The following TMEM59 variants were observed in gnomAD, a reference collection of about 807,000 sequenced individuals.
The protein encoded by TMEM59 is dendritic cell factor 1.
In TMEM59, 44 loss-of-function variants were observed where a neutral mutation model predicts 42.2. That is an observed-to-expected ratio of 1.04 (90% CI 0.82 to 1.34). TMEM59 has a LOEUF of 1.34. Ranked by LOEUF, TMEM59 falls within the 40% of genes most tolerant of loss-of-function variation. The probability of loss-of-function intolerance (pLI) is 0.00; values close to 1 mark genes in which losing one functional copy is unlikely to be tolerated. For missense variants in TMEM59, 359 were observed against 382.8 expected (o/e 0.94, Z 0.52); for synonymous variants, 148 against 145.8 (o/e 1.02, Z -0.11).
chr1:54,027,852 T>G lies in TMEM59; in HGVS notation c.*4298A>C, dbSNP rs974562688. Reference sequence around the variant, plus strand: ...AAGGTCTAAAAACTGTGCTCCAGAATTTAATTACCACAAGGAGTTAGAAAA... The same window carrying G: ...AAGGTCTAAAAACTGTGCTCCAGAAGTTAATTACCACAAGGAGTTAGAAAA... On this transcript the variant is annotated 3_prime_UTR_variant, in exon 8 of 8. Coordinates refer to ENST00000234831, the MANE Select transcript of TMEM59 (RefSeq NM_004872.5). The G allele has an allele frequency of 1.3e-5, 2 of 151,956 alleles. No homozygotes were observed. Among genetic ancestry groups the G allele is most frequent in the African/African-American group, 4.8e-5 (2 of 41,324 alleles). The allele number at this position is 151,956 out of a possible 1,614,324, so 9.4% of individuals were successfully genotyped here.
At chr1:54,046,722 T>C (rs761684265) in intron 2 of TMEM59, among the ~76,000 whole-genome samples, 2 of 152,252 alleles carry the variant, frequency 1.3e-5, no homozygotes, top group Non-Finnish European at 2.9e-5. Flanking sequence ...ATTATAGTTA[T>C]TTAAAAAGTT....
At position 54,027,040 on chromosome 1, in the gene TMEM59, G is replaced by A. The variant is rs376782308; in HGVS notation, c.*5110C>T. On this transcript the variant is annotated 3_prime_UTR_variant, in exon 8 of 8. Coordinates refer to ENST00000234831, the MANE Select transcript of TMEM59 (RefSeq NM_004872.5). ...ACCAGGGGTCTGGTGAACTTGGATG[G>A]GAAAAATTTTAAATCTTTCTTTTCA... 11 of 152,222 alleles carry A rather than the reference G, an allele frequency of 7.2e-5. No homozygotes were observed. In the East Asian group the frequency reaches 1.9e-3, roughly 27 times the overall value. 9.4% of individuals were successfully genotyped at this position (152,222 alleles called of 1,614,324 possible).
At chr1:54,040,522 TCTAACAAG>T (rs1242912645) in intron 6 of TMEM59, among the ~76,000 whole-genome samples, 1 of 152,186 alleles carries the variant, frequency 6.6e-6, no homozygotes, top group African/African-American at 2.4e-5. Context: ...ATCAAGAGAT[TCTAACAAG>T]AAAAATGCTC....
At chr1:54,038,619 T>C (rs1657034215) in intron 6 of TMEM59, among the ~76,000 whole-genome samples, 1 of 152,236 alleles carries the variant, frequency 6.6e-6, no homozygotes, top group South Asian at 2.1e-4. Context: ...TGATTCTGTA[T>C]GTAATCATGG....
intron 7 of TMEM59, chr1:54,034,280 T>G (rs1656871772): frequency 6.6e-6 from 1 of 152,340 alleles, no homozygotes; most frequent in Non-Finnish European, 1.5e-5. Flanking sequence ...TGCTGCTGCT[T>G]GGGAGAAAAT....
Position 54,029,361 on chromosome 1 carries a change from TG to T in TMEM59, c.*2788del, listed in dbSNP as rs1330774674. On this transcript the variant is annotated 3_prime_UTR_variant, in exon 8 of 8. Transcript: ENST00000234831. ...GCTTTTGTAATTGCCTGAATTAGCA[TG>T]TCTCTTAGATGAGGGACCTGAGCCA... 2 of 152,246 alleles carry T rather than the reference TG, an allele frequency of 1.3e-5. No individual in the cohort carries two copies. The highest frequency in any genetic ancestry group is 4.8e-5 in the African/African-American group (2 of 41,470). 9.4% of individuals were successfully genotyped at this position (152,246 alleles called of 1,614,324 possible).
intron 1 of TMEM59, among the ~76,000 whole-genome samples, chr1:54,050,804 C>T (rs1657509193): frequency 6.6e-6 from 1 of 151,946 alleles, no homozygotes; most frequent in Non-Finnish European, 1.5e-5. Context: ...TGAGGTGATC[C>T]ACCCGCCTCA....
chr1:54,036,524 G>T, intron 7 of TMEM59, 86 bp downstream of exon 7: 1 of 947,880 alleles, frequency 1.1e-6, no homozygotes, highest in Non-Finnish European at 1.5e-6. Flanking sequence ...TTAGTAGAAA[G>T]GCCTTGTTTT....
Position 54,036,674 on chromosome 1 carries a change from A to G in TMEM59, c.752T>C (p.Met251Thr). ...ILTTTLVLSV[M>T]VLLWICCATV... The stretch of plus-strand genomic sequence containing the variant: ...TGCACAACAAATCCAAAGCAATACC[A>G]TCACCGAGAGGACAAGAGTTGTAGT... Residue 251 changes from methionine to threonine, a missense_variant, in exon 7 of 8, where the codon ATG becomes ACG. Physicochemically the swap from Met to Thr is moderately conservative, Grantham distance 81 (BLOSUM62 -1). Transcript: ENST00000234831. 1 of 1,612,158 alleles carries G rather than the reference A, an allele frequency of 6.2e-7. No individual in the cohort carries two copies. The highest frequency in any genetic ancestry group is 1.1e-5 in the South Asian group (1 of 90,710).
rs1223576404 is a variant in TMEM59 at position 54,030,831 on chromosome 1, A to AG, written c.*1318dup. ...AGGCTAAAGACTAGGCCATAGGAGG[A>AG]GTGACTAACTTATTCTTTAGTCAAA... On this transcript the variant is annotated 3_prime_UTR_variant, in exon 8 of 8. Transcript: ENST00000234831. The AG allele has an allele frequency of 6.6e-6, 1 of 152,240 alleles. No homozygotes were observed. The highest frequency in any genetic ancestry group is 2.4e-5 in the African/African-American group (1 of 41,470). The allele number at this position is 152,240 out of a possible 1,614,324, so 9.4% of individuals were successfully genotyped here.
chr1:54,050,715 C>A (rs913359941), intron 1 of TMEM59, among the ~76,000 whole-genome samples: 4 of 151,734 alleles, frequency 2.6e-5, no homozygotes, highest in African/African-American at 4.8e-5. Context: ...CCCGCCACCA[C>A]GACTGGCTAA....
intron 6 of TMEM59, among the ~76,000 whole-genome samples, chr1:54,039,779 C>A (rs1038621735): frequency 6.6e-6 from 1 of 151,348 alleles, no homozygotes; most frequent in Admixed American, 6.6e-5. Context: ...AGGTGATAGT[C>A]AATAAGTGGT....
chr1:54,036,797 A>T, intron 6 of TMEM59, 79 bp from the exon 7 acceptor site: 3 of 884,884 alleles, frequency 3.4e-6, no homozygotes, highest in Non-Finnish European at 5.1e-6. Context: ...AACCTTATGT[A>T]CTTAGCTCAA....
intron 1 of TMEM59, among the ~76,000 whole-genome samples, chr1:54,051,181 T>C (rs2100338582): frequency 6.6e-6 from 1 of 152,310 alleles, no homozygotes; most frequent in African/African-American, 2.4e-5. Flanking sequence ...AGTTTATTAA[T>C]AGGAGGCAGC....
intron 4 of TMEM59, 91 bp downstream of exon 4, chr1:54,043,278 GTGAC>G: frequency 1.8e-6 from 2 of 1,085,272 alleles, no homozygotes; most frequent in South Asian, 7.0e-5. Flanking sequence ...ATATTTGTAA[GTGAC>G]TGAGTATGGT....
intron 1 of TMEM59, among the ~76,000 whole-genome samples, chr1:54,050,630 C>T (rs1657501875): frequency 6.6e-6 from 1 of 151,114 alleles, no homozygotes; most frequent in African/African-American, 2.4e-5. Flanking sequence ...GTGGCGCGGG[C>T]TCACTGCAAC....
chr1:54,048,570 A>C, intron 1 of TMEM59: 1 of 353,678 alleles, frequency 2.8e-6, no homozygotes. Context: ...AATAAGACTA[A>C]TGTCTTCAGC....
chr1:54,039,849 G>C (rs1226370280), intron 6 of TMEM59, among the ~76,000 whole-genome samples: 4 of 151,712 alleles, frequency 2.6e-5, no homozygotes, highest in East Asian at 1.9e-4. Context: ...AGTAAAATGT[G>C]GGGGAGGGAC....
rs1489167252 is a variant in TMEM59, at chr1:54,053,178, G to C, written c.11C>G (p.Pro4Arg). The stretch of plus-strand genomic sequence containing the variant: ...GGTCCTCACCCAGAGGCTCCCCTTC[G>C]GCGCCGCCATCTTGTTCCCCTCTGT... The part of the protein sequence containing the change: MAA[P>R]KGSLWVRTQL... The change falls in exon 1 of 8, where the codon CCG (proline) becomes CGG (arginine). Residue 4 changes from proline to arginine, a missense_variant. Coordinates refer to ENST00000234831, the MANE Select transcript of TMEM59 (RefSeq NM_004872.5). The C allele has an allele frequency of 6.2e-7, 1 of 1,613,932 alleles. No homozygotes were observed. The highest frequency in any genetic ancestry group is 8.5e-7 in the Non-Finnish European group (1 of 1,179,996).
Sources: allele counts gnomAD v4.1 joint callset (sites outside exome capture counted in the v4.1 genomes callset), GRCh38; gene constraint gnomAD v4.1.1; transcripts MANE v1.5; gene names NCBI Gene and HGNC (gene_info 2026-07-23, HGNC 2026-07-21).